Variants in NDUFS1 observed in about 807,000 individuals in gnomAD.
NDUFS1 encodes NADH:ubiquinone oxidoreductase core subunit S1.
A neutral mutation model predicts 84.4 loss-of-function variants in NDUFS1; 61 were observed. The observed-to-expected ratio is 0.72, with a 90% CI of 0.59 to 0.89. The LOEUF is 0.89. NDUFS1 is among the 40% of genes least tolerant of loss of function. NDUFS1 has a pLI of 0.00. For missense variants in NDUFS1, 891 were observed against 890.0 expected, an observed-to-expected ratio of 1.00 and a Z score of -0.01; for synonymous variants, 275 against 290.0, an observed-to-expected ratio of 0.95 and a Z score of 0.53.
intron 1 of NDUFS1, among the ~76,000 whole-genome samples, chr2:206,155,444 GCTGTCACCCAGTCTCACT>G (rs1687610604): frequency 6.7e-6 from 1 of 148,444 alleles, no homozygotes; most frequent in Non-Finnish European, 1.5e-5. Context: ...CAGGGGTCTT[GCTGTCACCCAGTCTCACT>G]CTGTCACCCA....
chr2:206,115,988 T>A lies in NDUFS1; in HGVS notation c.*8197A>T. 3 of 723,034 alleles carry A rather than the reference T, an allele frequency of 4.1e-6. No homozygotes were observed. Among genetic ancestry groups the A allele is most frequent in the Non-Finnish European group, 7.7e-6 (3 of 388,704 alleles). The allele number at this position is 723,034 out of a possible 1,614,324, so 44.8% of individuals were successfully genotyped here. On this transcript the variant is annotated 3_prime_UTR_variant, in exon 19 of 19. Coordinates refer to ENST00000233190, the MANE Select transcript of NDUFS1 (RefSeq NM_005006.7). ...CTTCTTTCATTAGCAGTGTTAACAG[T>A]AGTTTTTTTTTCCCATGGGTAATGC...
At chr2:206,139,130 TAA>T (rs1232849195) in intron 12 of NDUFS1, among the ~76,000 whole-genome samples, 1 of 137,806 alleles carries the variant, frequency 7.3e-6, no homozygotes, top group Admixed American at 7.3e-5. Context: ...ATAAAAAATT[TAA>T]AAAAAAAAAA....
intron 2 of NDUFS1, among the ~76,000 whole-genome samples, chr2:206,153,206 T>G (rs1276449322): frequency 6.6e-6 from 1 of 151,804 alleles, no homozygotes; most frequent in Non-Finnish European, 1.5e-5. Flanking sequence ...CTTTTTTTTT[T>G]TTTTTCCAAG....
rs189630999 is a variant in NDUFS1, at chr2:206,120,713, A to T, written c.*3472T>A. ...AAGCAAAGAAATAACTTAAAGTTGG[A>T]ACATATTTAAAAGGGAAGCAGAGCG... is the stretch of plus-strand genomic sequence containing the variant. On this transcript the variant is annotated 3_prime_UTR_variant, in exon 19 of 19. Transcript: ENST00000233190. 8 of 152,326 alleles carry T rather than the reference A, an allele frequency of 5.3e-5. No individual in the cohort carries two copies. In the East Asian group the frequency reaches 1.5e-3, roughly 29 times the overall value. The allele number at this position is 152,326 out of a possible 1,614,324, so 9.4% of individuals were successfully genotyped here. A position where few individuals can be genotyped will look rare whatever the true frequency, so the allele number is the denominator to read the frequency against.
rs73067841 is a variant in NDUFS1 at position 206,151,011 on chromosome 2, C to A, written c.154-1086G>T. ...CCTGAAGGCCTGTCTACATTTCATT[C>A]TCCCTTGAATCTACTCTCTTGTTTT... On this transcript the variant is annotated intron_variant, in intron 3 of 18. Coordinates refer to ENST00000233190, the MANE Select transcript of NDUFS1 (RefSeq NM_005006.7). Among the ~76,000 whole-genome samples the A allele has an allele frequency of 8.7e-3, 1,328 of 152,208 alleles. 16 individuals carry two copies. Among genetic ancestry groups the A allele is most frequent in the African/African-American group, 0.03 (1,261 of 41,516 alleles).
At position 206,119,063 on chromosome 2, in the gene NDUFS1, G is replaced by C. The variant is rs907779821; in HGVS notation, c.*5122C>G. 4 of 152,282 alleles carry C rather than the reference G, an allele frequency of 2.6e-5. No homozygotes were observed. The highest frequency in any genetic ancestry group is 9.6e-5 in the African/African-American group (4 of 41,466). The allele number at this position is 152,282 out of a possible 1,614,324, so 9.4% of individuals were successfully genotyped here. On this transcript the variant is annotated 3_prime_UTR_variant, in exon 19 of 19. Coordinates refer to ENST00000233190, the MANE Select transcript of NDUFS1 (RefSeq NM_005006.7). Reference sequence around the variant, plus strand: ...AGATTGCGCCACTGCACTCCAGACTGGCAATACAGTGAGACTCAATCTAAG... The same window carrying C: ...AGATTGCGCCACTGCACTCCAGACTCGCAATACAGTGAGACTCAATCTAAG...
intron 12 of NDUFS1, among the ~76,000 whole-genome samples, chr2:206,141,213 C>T (rs974787330): frequency 6.6e-5 from 10 of 151,786 alleles, no homozygotes; most frequent in African/African-American, 2.4e-4. Context: ...CCCAGGAGCT[C>T]GAGACTAGCC....
At chr2:206,147,927 T>A (rs78848841) in intron 5 of NDUFS1, 93 bp from the exon 6 acceptor site, 3 of 1,218,206 alleles carry the variant, frequency 2.5e-6, no homozygotes, top group Admixed American at 3.4e-5. Flanking sequence ...GACTTTATTT[T>A]TTTTTTTTGA....
intron 5 of NDUFS1, among the ~76,000 whole-genome samples, chr2:206,148,504 GTCAGGTTTGGTGGC>G (rs929065535): frequency 2.0e-5 from 3 of 152,072 alleles, no homozygotes; most frequent in African/African-American, 7.2e-5. Context: ...ATGATTTTTG[GTCAGGTTTGGTGGC>G]TCACGTCTGT....
chr2:206,158,119 C>A (rs1376010636), intron 1 of NDUFS1, among the ~76,000 whole-genome samples: 1 of 152,016 alleles, frequency 6.6e-6, no homozygotes, highest in African/African-American at 2.4e-5. Flanking sequence ...CCCGCCACCA[C>A]GCCCAGCTAA....
intron 13 of NDUFS1, among the ~76,000 whole-genome samples, chr2:206,137,002 C>T (rs975215132): frequency 1.3e-5 from 2 of 152,004 alleles, no homozygotes. Context: ...ATCCACCCAC[C>T]TCAGCCTCCC....
Position 206,120,040 on chromosome 2 carries a change from ACCT to A in NDUFS1, c.*4142_*4144del, listed in dbSNP as rs1691054507. 1 of 151,386 alleles carries A rather than the reference ACCT, an allele frequency of 6.6e-6. No individual in the cohort carries two copies. Among genetic ancestry groups the A allele is most frequent in the African/African-American group, 2.4e-5 (1 of 41,130 alleles). 9.4% of individuals were successfully genotyped at this position (151,386 alleles called of 1,614,324 possible). On this transcript the variant is annotated 3_prime_UTR_variant, in exon 19 of 19. Coordinates refer to ENST00000233190, the MANE Select transcript of NDUFS1 (RefSeq NM_005006.7). ...GAAATTTGGTTGTTTAGAGTCTGGG[ACCT>A]CCTCCTCTCTCTTGCTCCCTCTCTC...
In NDUFS1 at chr2:206,121,981, G is replaced by A. The variant is rs1488417440; in HGVS notation, c.*2204C>T. ...CACAGTGCTAAGAGGTAAGAGATGG[G>A]AAGTTTGTATTAAGTTCAAACACTT... On this transcript the variant is annotated 3_prime_UTR_variant, in exon 19 of 19. Coordinates refer to ENST00000233190, the MANE Select transcript of NDUFS1 (RefSeq NM_005006.7). The A allele has an allele frequency of 1.3e-5, 2 of 152,148 alleles. No homozygotes were observed. Among genetic ancestry groups the A allele is most frequent in the Non-Finnish European group, 2.9e-5 (2 of 68,038 alleles). The allele number at this position is 152,148 out of a possible 1,614,324, so 9.4% of individuals were successfully genotyped here.
chr2:206,142,842 A>T lies in NDUFS1; in HGVS notation c.988-11T>A. On this transcript the variant is annotated splice_polypyrimidine_tract_variant and intron_variant, in intron 10 of 18. Transcript: ENST00000233190. The stretch of plus-strand genomic sequence containing the variant: ...TTGAAAACTCTGCAACTAGAAACAG[A>T]TGAAAAGGGCATCACCAAGAAACCT... The T allele has an allele frequency of 1.2e-6, 2 of 1,614,116 alleles. No homozygotes were observed. The highest frequency in any genetic ancestry group is 1.7e-6 in the Non-Finnish European group (2 of 1,180,010).
In NDUFS1 at chr2:206,152,595, AC is replaced by A. The variant is rs1470256464; in HGVS notation, c.62-86del. ...ATGGATGAATTGACTCTAACTACAA[AC>A]CTAAAATTTTTCATTCCTTATTATT... On this transcript the variant is annotated intron_variant, in intron 2 of 18. Coordinates refer to ENST00000233190, the MANE Select transcript of NDUFS1 (RefSeq NM_005006.7). 2.6e-5 allele frequency: 31 copies of A among 1,205,052 alleles called. No homozygotes were observed. In the Admixed American group the frequency reaches 2.8e-4, roughly 11 times the overall value. 74.6% of individuals were successfully genotyped at this position (1,205,052 alleles called of 1,614,324 possible).
intron 13 of NDUFS1, among the ~76,000 whole-genome samples, chr2:206,136,112 G>A (rs1460613432): frequency 1.3e-5 from 2 of 149,610 alleles, no homozygotes; most frequent in African/African-American, 4.9e-5. Context: ...GTCCAATGGC[G>A]CAATCTCAGC....
chr2:206,126,645 G>T (rs1450010780), intron 17 of NDUFS1, 34 bp from the exon 18 acceptor site: 1 of 1,614,060 alleles, frequency 6.2e-7, no homozygotes. Context: ...CAATAATATG[G>T]AAAACTAGTA....
At chr2:206,152,773 T>C (rs1001159486) in intron 2 of NDUFS1, among the ~76,000 whole-genome samples, 1 of 150,942 alleles carries the variant, frequency 6.6e-6, no homozygotes, top group African/African-American at 2.4e-5. Flanking sequence ...GGCGCCATCT[T>C]GGCTCACTAC....
rs773055805 is a variant in NDUFS1, at chr2:206,127,797, C to T, written c.1884G>A (p.Glu628=). 1 of 1,613,846 alleles carries T rather than the reference C, an allele frequency of 6.2e-7. No individual in the cohort carries two copies. The highest frequency in any genetic ancestry group is 8.5e-7 in the Non-Finnish European group (1 of 1,179,888). Residue 628 remains glutamate, a splice_region_variant and synonymous_variant, in exon 16 of 19, where the codon GAG becomes GAA. Transcript: ENST00000233190. ...CTAAGAAATGACTCAGAAATTATAC[C>T]TCAGAGAGTGCTCTTATAATTTTCC... ...EDWKIIRALS[E]IAGMTLPYDT...
Sources: gnomAD v4.1 joint callset for allele counts (sites outside exome capture counted in the v4.1 genomes callset) on GRCh38, gnomAD v4.1.1 for gene constraint, MANE v1.5 for transcripts, NCBI Gene and HGNC (gene_info 2026-07-23, HGNC 2026-07-21) for gene names.